ASCC3: variants seen among roughly 807,000 people sequenced by gnomAD.
ASCC3 encodes ASC-1 complex subunit P200.
A neutral mutation model predicts 256.3 loss-of-function variants in ASCC3; 158 were observed. That is an observed-to-expected ratio of 0.62 (90% CI 0.54 to 0.70). The LOEUF is 0.70. Among genes scored for constraint, ASCC3 ranks in the 30% least tolerant of loss-of-function variants. The pLI, the probability that ASCC3 is intolerant of heterozygous loss-of-function variation, is 0.00. For synonymous variants in ASCC3, 948 were observed against 883.4 expected, an observed-to-expected ratio of 1.07 and a Z score of -1.30; for missense variants, 2,259 against 2,626.0, an observed-to-expected ratio of 0.86 and a Z score of 3.05.
At chr6:100,787,855 G>A (rs1160591673) in intron 8 of ASCC3, among the ~76,000 whole-genome samples, 1 of 151,826 alleles carries the variant, frequency 6.6e-6, no homozygotes, top group Non-Finnish European at 1.5e-5. Flanking sequence ...ATACCTAAAT[G>A]TAAGAGCTCC....
At chr6:100,551,972 G>C (rs1472314521) in intron 36 of ASCC3, among the ~76,000 whole-genome samples, 1 of 151,730 alleles carries the variant, frequency 6.6e-6, no homozygotes, top group East Asian at 1.9e-4. Flanking sequence ...GATACAATAG[G>C]TGATCTTCAG....
chr6:100,774,390 C>G (rs1420859123), intron 8 of ASCC3, among the ~76,000 whole-genome samples: 1 of 151,888 alleles, frequency 6.6e-6, no homozygotes, highest in Non-Finnish European at 1.5e-5. Context: ...TTCGGAGATG[C>G]ACTCTCACTC....
At chr6:100,579,182 G>GT (rs1450467813) in intron 36 of ASCC3, among the ~76,000 whole-genome samples, 12 of 133,260 alleles carry the variant, frequency 9.0e-5, no homozygotes, top group East Asian at 2.2e-4. Context: ...TAATGGGGTT[G>GT]TTTGTTTTTT....
intron 13 of ASCC3, among the ~76,000 whole-genome samples, chr6:100,701,794 T>A (rs1342845625): frequency 6.6e-6 from 1 of 152,120 alleles, no homozygotes; most frequent in Non-Finnish European, 1.5e-5. Context: ...CTGAGAAAGA[T>A]GAAGTCTGAA....
chr6:100,824,881 G>A (rs890053561), intron 4 of ASCC3, among the ~76,000 whole-genome samples: 1 of 152,054 alleles, frequency 6.6e-6, no homozygotes, highest in Non-Finnish European at 1.5e-5. Context: ...GCCTTGAAGG[G>A]TAAAGGATTA....
At chr6:100,775,564 T>C (rs943333035) in intron 8 of ASCC3, among the ~76,000 whole-genome samples, 1 of 152,122 alleles carries the variant, frequency 6.6e-6, no homozygotes, top group Non-Finnish European at 1.5e-5. Context: ...AAGTATCCTC[T>C]ACATTTATTT....
At chr6:100,599,628 A>ATT (rs1231709728) in intron 34 of ASCC3, among the ~76,000 whole-genome samples, 2 of 144,340 alleles carry the variant, frequency 1.4e-5, no homozygotes, top group African/African-American at 5.1e-5. Context: ...GCTTTGTACT[A>ATT]TTTTTTTTTT....
At chr6:100,606,206 A>G (rs764863075) in intron 32 of ASCC3, among the ~76,000 whole-genome samples, 37 of 152,238 alleles carry the variant, frequency 2.4e-4, no homozygotes, top group Non-Finnish European at 4.9e-4. Flanking sequence ...GAAATGATAC[A>G]GCTTTTACAT....
At chr6:100,744,687 T>C (rs1780583379) in intron 10 of ASCC3, among the ~76,000 whole-genome samples, 1 of 152,200 alleles carries the variant, frequency 6.6e-6, no homozygotes, top group Non-Finnish European at 1.5e-5. Context: ...TTTTGTGGTA[T>C]GTACTTTTAG....
At chr6:100,531,682 C>A (rs1392198642) in intron 37 of ASCC3, among the ~76,000 whole-genome samples, 1 of 151,928 alleles carries the variant, frequency 6.6e-6, no homozygotes, top group Non-Finnish European at 1.5e-5. Context: ...TTGGTGCCTA[C>A]CTGAAAAATG....
chr6:100,857,905 C>A (rs1435533053), intron 3 of ASCC3: 1 of 151,654 alleles, frequency 6.6e-6, no homozygotes, highest in African/African-American at 2.4e-5. Flanking sequence ...CACACACACC[C>A]TCAAACATAA....
At chr6:100,623,536 T>G (rs1205349087) in intron 30 of ASCC3, among the ~76,000 whole-genome samples, 1 of 152,146 alleles carries the variant, frequency 6.6e-6, no homozygotes, top group Non-Finnish European at 1.5e-5. Flanking sequence ...AAACTGTTAA[T>G]CCTGGGCACC....
At chr6:100,775,620 T>G (rs1361118483) in intron 8 of ASCC3, among the ~76,000 whole-genome samples, 1 of 152,076 alleles carries the variant, frequency 6.6e-6, no homozygotes, top group Non-Finnish European at 1.5e-5. Flanking sequence ...ATTGCATATA[T>G]ATACATCACT....
At chr6:100,770,036 A>C (rs9404038) in intron 8 of ASCC3, among the ~76,000 whole-genome samples, 147,890 of 151,876 alleles carry the variant, frequency 0.97, 72,132 homozygotes, top group East Asian at 1. Context: ...ATCAATTTTA[A>C]GTGGAGTTTT....
rs1228801038 is a variant in ASCC3, at chr6:100,627,666, C to G, written c.4566G>C (p.Leu1522=). The change falls in exon 29 of 42, where the codon CTG becomes CTC. Residue 1522 remains leucine (L), a synonymous_variant. Transcript: ENST00000369162. ...NFRPSVRPVP[L]EVHIQGFPGQ... ...CTGGAAAGCCTTGAATGTGAACTTC[C>G]AGTGGAACTGGGCGTACTGATGGTC... is the stretch of plus-strand genomic sequence containing the variant. 5.6e-6 allele frequency: 9 copies of G among 1,613,564 alleles called. No individual in the cohort carries two copies. Among genetic ancestry groups the G allele is most frequent in the Admixed American group, 1.7e-5 (1 of 59,908 alleles).
intron 34 of ASCC3, 57 bp from the exon 35 acceptor site, chr6:100,590,116 T>A: frequency 8.5e-7 from 1 of 1,171,120 alleles, no homozygotes; most frequent in Non-Finnish European, 1.3e-6. Context: ...ACTAAAACTA[T>A]CACCTCAGTT....
intron 8 of ASCC3, among the ~76,000 whole-genome samples, chr6:100,779,486 A>G (rs773435233): frequency 6.6e-6 from 1 of 152,246 alleles, no homozygotes; most frequent in South Asian, 2.1e-4. Context: ...CCACTCCTCT[A>G]TTGTTATCAT....
At chr6:100,728,473 A>G (rs10872628) in intron 10 of ASCC3, among the ~76,000 whole-genome samples, 63,485 of 151,794 alleles carry the variant, frequency 0.42, 13,858 homozygotes, top group South Asian at 0.6. Flanking sequence ...GTTGTGACCC[A>G]GCAATTCCAT....
At position 100,800,425 on chromosome 6, in the gene ASCC3, C is replaced by T. The variant is rs760989467; in HGVS notation, c.1002G>A (p.Lys334=). 3.2e-5 allele frequency: 52 copies of T among 1,612,530 alleles called. No homozygotes were observed. Among genetic ancestry groups the T allele is most frequent in the Non-Finnish European group, 1.7e-5 (20 of 1,179,234 alleles). Residue 334 remains lysine, a synonymous_variant, in exon 6 of 42, where the codon AAG becomes AAA. Transcript: ENST00000369162. ...CQVTIQSEQE[K]QLMKQYRREE... ...CACGTCGATATTGTTTCATTAACTG[C>T]TTTTCTTGTTCAGACTGAATAGTGA...
Sources: allele counts gnomAD v4.1 joint callset (sites outside exome capture counted in the v4.1 genomes callset), GRCh38; gene constraint gnomAD v4.1.1; transcripts MANE v1.5; gene names NCBI Gene and HGNC (gene_info 2026-07-23, HGNC 2026-07-21).